Variants in TRPC5 observed in about 807,000 individuals in gnomAD.
The protein encoded by TRPC5 is transient receptor potential cation channel subfamily C member 5, also known as short transient receptor potential channel 5.
A neutral mutation model predicts 56.5 loss-of-function variants in TRPC5; 9 were observed. The ratio of observed to expected loss-of-function variants is 0.16; its 90% CI spans 0.10 to 0.28. The LOEUF (loss-of-function observed/expected upper bound fraction) is 0.28, where lower values mean the gene tolerates loss of function less well. Ranked by LOEUF, TRPC5 falls within the 10% of genes least tolerant of loss-of-function variation. The pLI, the probability that TRPC5 is intolerant of heterozygous loss-of-function variation, is 1.00. For synonymous variants in TRPC5, 282 were observed against 278.5 expected, an observed-to-expected ratio of 1.01 and a Z score of -0.13; for missense variants, 469 against 748.9, an observed-to-expected ratio of 0.63 and a Z score of 4.36.
At chrX:111,967,276 T>C (rs1569528825) in intron 1 of TRPC5, among the ~76,000 whole-genome samples, 1 of 111,075 alleles carries the variant, frequency 9.0e-6, no homozygotes, top group African/African-American at 3.3e-5. Context: ...TTACAAGGGA[T>C]GTGAAGGACC....
intron 1 of TRPC5, among the ~76,000 whole-genome samples, chrX:111,996,594 T>C (rs181403378): frequency 1.6e-3 from 176 of 110,946 alleles, no homozygotes; most frequent in African/African-American, 5.2e-3. Context: ...TTAAAGTCTC[T>C]CATTATTATT....
intron 1 of TRPC5, among the ~76,000 whole-genome samples, chrX:112,023,304 CT>C (rs1231485924): frequency 2.9e-5 from 1 of 33,998 alleles, no homozygotes; most frequent in East Asian, 1.1e-3. Context: ...CTTTAAAATT[CT>C]TTTCTGTCTC....
chrX:111,922,956 T>C (rs1296455428), intron 2 of TRPC5, among the ~76,000 whole-genome samples: 1 of 111,831 alleles, frequency 8.9e-6, no homozygotes, highest in Non-Finnish European at 1.9e-5. Flanking sequence ...TGGAGTATTT[T>C]ATTTAGTCCT....
intron 6 of TRPC5, among the ~76,000 whole-genome samples, chrX:111,843,309 T>A (rs1922815732): frequency 8.9e-6 from 1 of 112,068 alleles, no homozygotes; most frequent in Admixed American, 9.5e-5. Flanking sequence ...GAGGCACAGA[T>A]GTCTGAAATA....
intron 6 of TRPC5, among the ~76,000 whole-genome samples, chrX:111,837,443 T>C (rs1467205756): frequency 1.8e-5 from 2 of 111,368 alleles, no homozygotes; most frequent in African/African-American, 6.5e-5. Context: ...GGGCAGATTG[T>C]AGTTCAGAAT....
At chrX:111,901,726 T>G in intron 3 of TRPC5, 1 of 452,570 alleles carries the variant, frequency 2.2e-6, no homozygotes, top group East Asian at 3.8e-5. Flanking sequence ...CATATCAACA[T>G]CCTAATTTCT....
chrX:112,008,599 CA>C (rs771663324), intron 1 of TRPC5, among the ~76,000 whole-genome samples: 1,665 of 73,906 alleles, frequency 0.023, 23 homozygotes, highest in African/African-American at 0.037. Flanking sequence ...GACTCTGTCT[CA>C]AAAAAAAAAA....
At chrX:111,956,100 T>C in intron 1 of TRPC5, among the ~76,000 whole-genome samples, 2 of 112,685 alleles carry the variant, frequency 1.8e-5, no homozygotes, top group Non-Finnish European at 3.7e-5. Flanking sequence ...TTCAAAGAGC[T>C]AAATCGATGG....
At chrX:112,063,361 A>G (rs1473683540) in intron 1 of TRPC5, among the ~76,000 whole-genome samples, 1 of 111,773 alleles carries the variant, frequency 8.9e-6, no homozygotes, top group African/African-American at 3.3e-5. Context: ...TTTCTAGGCA[A>G]TCCATTCAGG....
intron 3 of TRPC5, among the ~76,000 whole-genome samples, chrX:111,863,187 G>A (rs1334357732): frequency 2.7e-5 from 3 of 111,523 alleles, no homozygotes; most frequent in East Asian, 2.8e-4. Flanking sequence ...AAAAAAAATC[G>A]GTTAACATCA....
At chrX:112,027,653 C>T (rs1353761400) in intron 1 of TRPC5, among the ~76,000 whole-genome samples, 1 of 110,867 alleles carries the variant, frequency 9.0e-6, no homozygotes, top group African/African-American at 3.3e-5. Context: ...CCCGCCACCA[C>T]GCCTGGCTAA....
At chrX:111,825,217 TTCTTCTTTCTTTCTCTCTC>T (rs1922187298) in intron 7 of TRPC5, among the ~76,000 whole-genome samples, 1 of 80,740 alleles carries the variant, frequency 1.2e-5, no homozygotes, top group Non-Finnish European at 2.4e-5. Flanking sequence ...CTTTCTTTCT[TTCTTCTTTCTTTCTCTCTC>T]TCTCTCTCTC....
intron 1 of TRPC5, among the ~76,000 whole-genome samples, chrX:112,050,210 GGCTGTGAGAAGTGCT>G (rs975318097): frequency 7.3e-5 from 8 of 109,346 alleles, no homozygotes; most frequent in Non-Finnish European, 1.3e-4. Flanking sequence ...AACAAACAAA[GGCTGTGAGAAGTGCT>G]GCTTTGTTAT....
intron 1 of TRPC5, among the ~76,000 whole-genome samples, chrX:112,005,282 G>A (rs931579320): frequency 1.6e-4 from 18 of 109,152 alleles, no homozygotes; most frequent in Admixed American, 1.6e-3. Context: ...GACACATAGA[G>A]GGGAATAACA....
At chrX:111,860,183 C>T (rs1300225526) in intron 3 of TRPC5, among the ~76,000 whole-genome samples, 3 of 112,812 alleles carry the variant, frequency 2.7e-5, no homozygotes, top group Non-Finnish European at 5.6e-5. Context: ...GCTGGGATTA[C>T]AGGCGTGAGC....
chrX:112,082,052 G>A lies in TRPC5; in HGVS notation c.-195C>T, dbSNP rs2147753628. On this transcript the variant is annotated 5_prime_UTR_variant, in exon 1 of 11. Transcript: ENST00000262839. ...GGGTGGGCGGATGAGCACAGGGAAAGGGGCGGGGTGTAAAGACGAGCGCAA... is the reference window on the plus strand; with the variant it reads ...GGGTGGGCGGATGAGCACAGGGAAAAGGGCGGGGTGTAAAGACGAGCGCAA... The A allele has an allele frequency of 9.0e-6, 1 of 111,719 alleles. No homozygotes were observed. The highest frequency in any genetic ancestry group is 3.3e-5 in the African/African-American group (1 of 30,727). The allele number at this position is 111,719 out of a possible 1,213,427, so 9.2% of individuals were successfully genotyped here. A position where few individuals can be genotyped will look rare whatever the true frequency, so the allele number is the denominator to read the frequency against.
chrX:111,777,461 A>G (rs1040637811), intron 10 of TRPC5, among the ~76,000 whole-genome samples: 1 of 110,246 alleles, frequency 9.1e-6, no homozygotes, highest in African/African-American at 3.3e-5. Flanking sequence ...TCAAACCTCT[A>G]TGAAATGTCT....
chrX:112,065,168 C>A (rs1177601961), intron 1 of TRPC5, among the ~76,000 whole-genome samples: 1 of 110,971 alleles, frequency 9.0e-6, no homozygotes, highest in Non-Finnish European at 1.9e-5. Context: ...TGAATCAAAT[C>A]TGATTTCTTA....
chrX:111,920,293 A>C (rs1048967241), intron 2 of TRPC5, among the ~76,000 whole-genome samples: 3 of 111,023 alleles, frequency 2.7e-5, no homozygotes, highest in Non-Finnish European at 3.8e-5. Context: ...AACAAAAAAA[A>C]TGTATCTTAA....
Sources: gnomAD v4.1 joint callset for allele counts (sites outside exome capture counted in the v4.1 genomes callset) on GRCh38, gnomAD v4.1.1 for gene constraint, MANE v1.5 for transcripts, NCBI Gene and HGNC (gene_info 2026-07-23, HGNC 2026-07-21) for gene names.